The following TRPM3 variants were observed in gnomAD, a reference collection of about 807,000 sequenced individuals.
TRPM3 encodes long transient receptor potential channel 3.
Under a neutral mutation model 181.2 loss-of-function variants are expected in TRPM3, and 77 were observed. The observed-to-expected ratio is 0.42, with a 90% CI of 0.35 to 0.51. The LOEUF is 0.51. TRPM3 is among the 20% of genes least tolerant of loss of function. The probability of loss-of-function intolerance (pLI) is 0.01; values close to 1 mark genes in which losing one functional copy is unlikely to be tolerated. For missense variants in TRPM3, 1,759 were observed against 2,196.7 expected, an observed-to-expected ratio of 0.80 and a Z score of 3.98; for synonymous variants, 745 against 796.4, an observed-to-expected ratio of 0.94 and a Z score of 1.09.
chr9:71,193,795 T>C (rs1013432589), intron 1 of TRPM3, among the ~76,000 whole-genome samples: 1 of 151,942 alleles, frequency 6.6e-6, no homozygotes, highest in Non-Finnish European at 1.5e-5. Flanking sequence ...GTGTGGACTA[T>C]GGAAAATACA....
At chr9:70,686,686 TTTCCTTCCTTCCTTCC>T (rs778689995) in intron 8 of TRPM3, among the ~76,000 whole-genome samples, 1,844 of 58,684 alleles carry the variant, frequency 0.031, 42 homozygotes, top group South Asian at 0.038. Context: ...TCCTTCCTTC[TTTCCTTCCTTCCTTCC>T]TTCCTTCCTT....
At chr9:70,582,183 T>TGTGTGC (rs1554762592) in intron 22 of TRPM3, among the ~76,000 whole-genome samples, 26 of 26,378 alleles carry the variant, frequency 9.9e-4, no homozygotes, top group South Asian at 4.6e-3. Flanking sequence ...ACCCTGTGCG[T>TGTGTGC]GTGTGTGTGT....
chr9:70,646,663 C>T (rs1210477102), intron 9 of TRPM3, among the ~76,000 whole-genome samples: 1 of 151,800 alleles, frequency 6.6e-6, no homozygotes, highest in East Asian at 1.9e-4. Flanking sequence ...CACATGTATC[C>T]CTATGTAACA....
chr9:70,562,373 C>T (rs2049324580), intron 22 of TRPM3, among the ~76,000 whole-genome samples: 1 of 152,094 alleles, frequency 6.6e-6, no homozygotes, highest in South Asian at 2.1e-4. Context: ...CTTTTTATTC[C>T]TGGTAGAAAA....
At chr9:71,299,874 T>C (rs1414948482) in intron 1 of TRPM3, among the ~76,000 whole-genome samples, 1 of 152,084 alleles carries the variant, frequency 6.6e-6, no homozygotes, top group Admixed American at 6.6e-5. Flanking sequence ...CTTAAATAGA[T>C]ATATTATAAT....
At chr9:71,351,022 G>T (rs2091595237) in intron 1 of TRPM3, among the ~76,000 whole-genome samples, 1 of 152,102 alleles carries the variant, frequency 6.6e-6, no homozygotes, top group Admixed American at 6.5e-5. Flanking sequence ...TTTTGATTTG[G>T]AATCCAAGAC....
At chr9:70,746,828 T>C (rs891999491) in intron 8 of TRPM3, among the ~76,000 whole-genome samples, 6 of 152,170 alleles carry the variant, frequency 3.9e-5, no homozygotes, top group Admixed American at 3.9e-4. Flanking sequence ...ACTTGAGTGA[T>C]GAAGGCAGAG....
At chr9:71,398,031 C>A (rs914701363) in intron 1 of TRPM3, among the ~76,000 whole-genome samples, 2 of 152,196 alleles carry the variant, frequency 1.3e-5, no homozygotes, top group African/African-American at 4.8e-5. Context: ...TGCTCAGCAA[C>A]AATGAATTGA....
At chr9:71,444,807 T>G (rs558256541) in intron 1 of TRPM3, among the ~76,000 whole-genome samples, 1 of 152,322 alleles carries the variant, frequency 6.6e-6, no homozygotes, top group South Asian at 2.1e-4. Context: ...GCTCTAAGAT[T>G]TACAAAACCT....
At chr9:71,193,727 G>C (rs1168026746) in intron 1 of TRPM3, among the ~76,000 whole-genome samples, 1 of 151,886 alleles carries the variant, frequency 6.6e-6, no homozygotes, top group Non-Finnish European at 1.5e-5. Context: ...TACTGAGTCA[G>C]TGGATGATGT....
chr9:70,744,946 G>A (rs1290133725), intron 8 of TRPM3, among the ~76,000 whole-genome samples: 4 of 152,134 alleles, frequency 2.6e-5, no homozygotes, highest in African/African-American at 9.7e-5. Flanking sequence ...AAACAAGCTT[G>A]AACTTGTAAC....
intron 1 of TRPM3, among the ~76,000 whole-genome samples, chr9:71,113,792 C>T (rs1322086267): frequency 6.6e-6 from 1 of 152,122 alleles, no homozygotes; most frequent in East Asian, 1.9e-4. Flanking sequence ...GATACTGAGG[C>T]CTGGTCATGC....
chr9:71,083,572 A>G (rs1209262716), intron 1 of TRPM3, among the ~76,000 whole-genome samples: 1 of 152,062 alleles, frequency 6.6e-6, no homozygotes, highest in African/African-American at 2.4e-5. Flanking sequence ...AGTATGAAAA[A>G]AGGGGTGAAT....
chr9:71,319,252 G>A (rs1005917364), intron 1 of TRPM3, among the ~76,000 whole-genome samples: 6 of 151,998 alleles, frequency 3.9e-5, no homozygotes, highest in East Asian at 1.9e-4. Context: ...GTTAATGACC[G>A]CTCGGCTGAG....
chr9:71,321,520 T>A (rs1304785363), intron 1 of TRPM3, among the ~76,000 whole-genome samples: 28 of 152,178 alleles, frequency 1.8e-4, no homozygotes, highest in Admixed American at 1.8e-3. Flanking sequence ...GAGGCATTCA[T>A]ACATGAGACT....
At chr9:70,676,259 T>C (rs937433624) in intron 9 of TRPM3, among the ~76,000 whole-genome samples, 10 of 152,128 alleles carry the variant, frequency 6.6e-5, no homozygotes, top group Admixed American at 5.2e-4. Context: ...GATCATCACA[T>C]ATTACTCTTC....
At chr9:71,292,945 C>T (rs1001461034) in intron 1 of TRPM3, among the ~76,000 whole-genome samples, 1 of 151,748 alleles carries the variant, frequency 6.6e-6, no homozygotes, top group African/African-American at 2.4e-5. Flanking sequence ...AAAGCAAATA[C>T]AAAATGACGA....
At chr9:70,941,922 ATTAAC>A (rs1051808090) in intron 1 of TRPM3, among the ~76,000 whole-genome samples, 88 of 152,334 alleles carry the variant, frequency 5.8e-4, no homozygotes, top group African/African-American at 2.0e-3. Context: ...TGAAAAAAAA[ATTAAC>A]TTGTCTATTT....
chr9:71,087,625 G>C (rs932729685), intron 1 of TRPM3, among the ~76,000 whole-genome samples: 1 of 151,860 alleles, frequency 6.6e-6, no homozygotes. Flanking sequence ...TGCATGACTG[G>C]GTACATTCTT....
Sources: allele counts gnomAD v4.1 joint callset (sites outside exome capture counted in the v4.1 genomes callset), GRCh38; gene constraint gnomAD v4.1.1; transcripts MANE v1.5; gene names NCBI Gene and HGNC (gene_info 2026-07-23, HGNC 2026-07-21).